Variants in USP47 observed in about 807,000 individuals in gnomAD.
USP47 encodes ubiquitin specific peptidase 47.
In USP47, 35 loss-of-function variants were observed where a neutral mutation model predicts 165.1. The observed-to-expected ratio is 0.21, with a 90% confidence interval of 0.16 to 0.28. The LOEUF is 0.28. USP47 is among the 10% of genes least tolerant of loss of function. The probability of loss-of-function intolerance (pLI) is 1.00; values close to 1 mark genes in which losing one functional copy is unlikely to be tolerated. For synonymous variants in USP47, 531 were observed against 544.5 expected, an observed-to-expected ratio of 0.98 and a Z score of 0.35; for missense variants, 1,277 against 1,607.4, an observed-to-expected ratio of 0.79 and a Z score of 3.52.
rs200369947 is a variant in USP47, at chr11:11,948,079, C to T, written c.3226C>T (p.Arg1076Trp). The T allele has an allele frequency of 5.5e-5, 89 of 1,612,540 alleles. No homozygotes were observed. Among genetic ancestry groups the T allele is most frequent in the African/African-American group, 8.0e-5 (6 of 74,838 alleles). ...YASNQEFESV[R>W]LNETLSSFSD... ...CAGCAATCAAGAGTTTGAGAGCGTC[C>T]GGCTGAATGAGACACTTTCATCATT... The change falls in exon 21 of 28, where the codon CGG becomes TGG. Residue 1076 changes from arginine to tryptophan, a missense_variant. Around this residue, in one of 4 missense-constraint regions of USP47, gnomAD observed 909 missense variants for 1,068.1 expected, o/e 0.85. Transcript: ENST00000527733.
chr11:11,907,826 T>G (rs759796945), intron 8 of USP47, among the ~76,000 whole-genome samples: 5 of 152,186 alleles, frequency 3.3e-5, no homozygotes, highest in Non-Finnish European at 7.3e-5. Flanking sequence ...CTGGGCATAG[T>G]GGCTCACACC....
At chr11:11,927,889 G>C (rs1854369190) in intron 11 of USP47, among the ~76,000 whole-genome samples, 1 of 151,958 alleles carries the variant, frequency 6.6e-6, no homozygotes, top group South Asian at 2.1e-4. Flanking sequence ...TTTGTGATTT[G>C]AAACTAAAAT....
At chr11:11,933,418 A>G (rs1004242470) in intron 15 of USP47, among the ~76,000 whole-genome samples, 8 of 152,136 alleles carry the variant, frequency 5.3e-5, no homozygotes, top group Admixed American at 2.6e-4. Context: ...GTATTTATCA[A>G]GAGCCTTAAG....
chr11:11,927,330 G>C (rs1042839046), intron 11 of USP47, among the ~76,000 whole-genome samples: 1 of 151,918 alleles, frequency 6.6e-6, no homozygotes, highest in Non-Finnish European at 1.5e-5. Flanking sequence ...GGCAGGATGG[G>C]TATTTATTCT....
At position 11,930,762 on chromosome 11, in the gene USP47, C is replaced by T; in HGVS notation, c.1651+11C>T. The T allele has an allele frequency of 1.3e-6, 2 of 1,595,322 alleles. No homozygotes were observed. Among genetic ancestry groups the T allele is most frequent in the Non-Finnish European group, 1.7e-6 (2 of 1,171,734 alleles). On this transcript the variant is annotated intron_variant, in intron 14 of 27. Transcript: ENST00000527733. Reference sequence around the variant, plus strand: ...CAGCCAGAAATGCAAGTATGTTTACCTACAGTTATTTGATTTTAATTTGTG... The same window carrying T: ...CAGCCAGAAATGCAAGTATGTTTACTTACAGTTATTTGATTTTAATTTGTG...
intron 5 of USP47, among the ~76,000 whole-genome samples, chr11:11,899,117 G>A (rs1052446568): frequency 1.3e-5 from 2 of 152,010 alleles, no homozygotes; most frequent in African/African-American, 4.8e-5. Context: ...AGTGTGTTGC[G>A]GGGGGCTTCA....
chr11:11,848,293 A>T (rs1173578275), intron 1 of USP47, among the ~76,000 whole-genome samples: 4 of 152,236 alleles, frequency 2.6e-5, no homozygotes, highest in Non-Finnish European at 5.9e-5. Flanking sequence ...AGCCTGCTAC[A>T]CACCTAGGCT....
intron 4 of USP47, among the ~76,000 whole-genome samples, chr11:11,897,091 C>T (rs140814830): frequency 1.5e-4 from 23 of 149,512 alleles, no homozygotes; most frequent in African/African-American, 4.7e-4. Flanking sequence ...GAATTTATCT[C>T]GTATGTTATT....
intron 20 of USP47, 77 bp from the exon 21 acceptor site, chr11:11,947,868 T>C: frequency 2.8e-6 from 4 of 1,447,278 alleles, no homozygotes; most frequent in East Asian, 2.3e-5. Flanking sequence ...TAATAAAAAG[T>C]ATATGATCTG....
At chr11:11,871,327 C>T (rs1266779551) in intron 1 of USP47, among the ~76,000 whole-genome samples, 1 of 151,510 alleles carries the variant, frequency 6.6e-6, no homozygotes, top group Admixed American at 6.6e-5. Context: ...CATGGTGAAA[C>T]CCCGTCTCTA....
chr11:11,865,184 G>A (rs1590250002), intron 1 of USP47, among the ~76,000 whole-genome samples: 1 of 152,068 alleles, frequency 6.6e-6, no homozygotes, highest in Admixed American at 6.6e-5. Context: ...GATTATATAG[G>A]TTAATGTCTT....
At chr11:11,923,053 T>C (rs1273659294) in intron 11 of USP47, among the ~76,000 whole-genome samples, 162 bp downstream of exon 11, 3 of 30,862 alleles carry the variant, frequency 9.7e-5, no homozygotes, top group Non-Finnish European at 2.5e-4. Context: ...TATATATATA[T>C]ATATATATAT....
At chr11:11,920,034 T>C in intron 8 of USP47, 122 bp from the exon 9 acceptor site, 2 of 645,028 alleles carry the variant, frequency 3.1e-6, no homozygotes, top group Non-Finnish European at 4.7e-6. Flanking sequence ...TGGTACATTT[T>C]GAGTTCCTAA....
At chr11:11,842,297 CGGCTGCGGGCCCGGCCGGGGTGCA>C in intron 1 of USP47, 73 bp downstream of exon 1, 2 of 1,502,556 alleles carry the variant, frequency 1.3e-6, no homozygotes, top group Non-Finnish European at 1.8e-6. Flanking sequence ...GGCCGGGGTT[CGGCTGCGGGCCCGGCCGGGGTGCA>C]GGCTCGGCTG....
chr11:11,874,348 C>G (rs1226804266), intron 1 of USP47, among the ~76,000 whole-genome samples: 1 of 152,102 alleles, frequency 6.6e-6, no homozygotes. Flanking sequence ...CAGAGTTGCT[C>G]CTTTAATCTC....
intron 11 of USP47, 83 bp from the exon 12 acceptor site, chr11:11,929,351 G>A (rs1040447798): frequency 1.3e-6 from 2 of 1,527,618 alleles, no homozygotes; most frequent in Admixed American, 2.0e-5. Flanking sequence ...TTACTTCTCT[G>A]TGTGTTAACA....
intron 1 of USP47, among the ~76,000 whole-genome samples, chr11:11,876,891 T>C (rs1053050528): frequency 6.6e-5 from 10 of 151,964 alleles, no homozygotes; most frequent in Admixed American, 6.6e-5. Context: ...GATGGTCACG[T>C]CAGATTCATG....
chr11:11,847,145 G>A (rs988557265), intron 1 of USP47, among the ~76,000 whole-genome samples: 1 of 152,068 alleles, frequency 6.6e-6, no homozygotes, highest in Non-Finnish European at 1.5e-5. Flanking sequence ...AAAATATTAA[G>A]AGTTGCTATT....
intron 18 of USP47, among the ~76,000 whole-genome samples, chr11:11,939,711 CA>C (rs1855334711): frequency 6.6e-6 from 1 of 151,836 alleles, no homozygotes; most frequent in African/African-American, 2.4e-5. Flanking sequence ...GTTTCTTCCC[CA>C]AGAAGTTAAT....
Sources: gnomAD v4.1 joint callset for allele counts (sites outside exome capture counted in the v4.1 genomes callset) on GRCh38, gnomAD v4.1.1 for gene constraint, gnomAD v4.1.1 regional missense constraint, MANE v1.5 for transcripts, NCBI Gene and HGNC (gene_info 2026-07-23, HGNC 2026-07-21) for gene names.